IFT140: variants seen among roughly 807,000 people sequenced by gnomAD.
IFT140 encodes the protein intraflagellar transport protein 140 homolog.
In IFT140, 133 loss-of-function variants were observed where a neutral mutation model predicts 164.6. The observed-to-expected ratio is 0.81, with a 90% CI of 0.70 to 0.93. IFT140 has a LOEUF of 0.93. Among genes scored for constraint, IFT140 ranks in the 40% least tolerant of loss-of-function variants. IFT140 has a pLI of 0.00. For synonymous variants in IFT140, 860 were observed against 817.3 expected (o/e 1.05, Z -0.89); for missense variants, 2,045 against 1,972.3 (o/e 1.04, Z -0.70).
In IFT140 at chr16:1,553,729, A is replaced by T; in HGVS notation, c.2399+4206T>A. ...GGCCTCCAGGACAATCTGTGGCCACATCCCCATGGCTGTAGGGGATGAGGA... is the reference window on the plus strand; with the variant it reads ...GGCCTCCAGGACAATCTGTGGCCACTTCCCCATGGCTGTAGGGGATGAGGA... On this transcript the variant is annotated intron_variant, in intron 19 of 30. Transcript: ENST00000426508. This position sits in a 1 kb window ranked among gnomAD's most constrained non-coding sequence, Gnocchi z 4.4. The T allele has an allele frequency of 8.9e-7, 1 of 1,125,306 alleles. No individual in the cohort carries two copies. The highest frequency in any genetic ancestry group is 1.1e-6 in the Non-Finnish European group (1 of 906,730). 69.7% of individuals were successfully genotyped at this position (1,125,306 alleles called of 1,614,324 possible). A position where few individuals can be genotyped will look rare whatever the true frequency, so the allele number is the denominator to read the frequency against.
intron 2 of IFT140, among the ~76,000 whole-genome samples, chr16:1,609,772 AAGG>A (rs1470785602): frequency 2.0e-5 from 3 of 152,342 alleles, no homozygotes; most frequent in African/African-American, 7.2e-5. Flanking sequence ...AAGTTAACAC[AAGG>A]AGGAGAGATG....
intron 19 of IFT140, among the ~76,000 whole-genome samples, chr16:1,535,793 C>T (rs886789243): frequency 2.0e-5 from 3 of 152,250 alleles, no homozygotes; most frequent in Admixed American, 6.5e-5. Flanking sequence ...CACTTCCTCT[C>T]GCATCCTTCA....
chr16:1,529,890 C>T (rs79165857), intron 19 of IFT140, among the ~76,000 whole-genome samples: 2,113 of 152,224 alleles, frequency 0.014, 66 homozygotes, highest in African/African-American at 0.049. Flanking sequence ...GAGTGCAGTG[C>T]AGGGGTCACA....
At chr16:1,534,376 C>T (rs199525863) in intron 19 of IFT140, 104 of 1,612,848 alleles carry the variant, frequency 6.4e-5, no homozygotes, top group African/African-American at 9.3e-5. Flanking sequence ...GTGTGCCAGA[C>T]GCTGGAGGAT....
rs2032627693 is a variant in IFT140 at position 1,551,436 on chromosome 16, A to G, written c.2399+6499T>C. Among the ~76,000 whole-genome samples, 1 of 152,120 alleles carries G rather than the reference A, an allele frequency of 6.6e-6. No individual in the cohort carries two copies. Among genetic ancestry groups the G allele is most frequent in the African/African-American group, 2.4e-5 (1 of 41,414 alleles). The stretch of plus-strand genomic sequence containing the variant: ...GTGACTGAGAGGGGTGGAAAGGGCC[A>G]CTGGGCCCCAGGGTGGCAGAAGGGC... On this transcript the variant is annotated intron_variant, in intron 19 of 30. Transcript: ENST00000426508. The surrounding 1 kb of genome is among the most constrained non-coding windows in gnomAD (Gnocchi z 4.0).
chr16:1,527,033 GAC>G (rs1001280274), intron 19 of IFT140: 1 of 530,870 alleles, frequency 1.9e-6, no homozygotes. Context: ...CCCATTAAAA[GAC>G]AGAAGGATCT....
Position 1,580,981 on chromosome 16 carries a change from T to G in IFT140, c.1433-131A>C. On this transcript the variant is annotated intron_variant, in intron 12 of 30. Transcript: ENST00000426508. The stretch of plus-strand genomic sequence containing the variant: ...CACAGCTTCATAGGGGTGCACTATC[T>G]GCACCTCGCAGATGAAGAAAATGAG... 3 of 634,286 alleles carry G rather than the reference T, an allele frequency of 4.7e-6. No homozygotes were observed. The South Asian group carries it at 5.2e-5, about 11-fold the overall frequency. 39.3% of individuals were successfully genotyped at this position (634,286 alleles called of 1,614,324 possible).
intron 13 of IFT140, among the ~76,000 whole-genome samples, chr16:1,573,122 C>G (rs781745968): frequency 2.0e-5 from 3 of 152,182 alleles, no homozygotes; most frequent in Non-Finnish European, 4.4e-5. Context: ...GGACGGATGG[C>G]TGGAGTCAGG....
intron 3 of IFT140, among the ~76,000 whole-genome samples, chr16:1,603,075 C>A (rs1231574083): frequency 2.0e-5 from 3 of 152,198 alleles, no homozygotes; most frequent in African/African-American, 7.2e-5. Flanking sequence ...AACGCACCAA[C>A]CTTGCCCCTA....
intron 4 of IFT140, among the ~76,000 whole-genome samples, chr16:1,600,723 C>A (rs1025747930): frequency 7.2e-5 from 11 of 152,078 alleles, no homozygotes; most frequent in African/African-American, 2.7e-4. Flanking sequence ...TAGGATGCCA[C>A]CACTGATGTG....
intron 14 of IFT140, among the ~76,000 whole-genome samples, chr16:1,569,161 C>T (rs1240906248): frequency 2.0e-5 from 3 of 152,038 alleles, no homozygotes; most frequent in South Asian, 2.1e-4. Context: ...CCCGCCACCG[C>T]GCCCGGCTAA....
chr16:1,603,486 C>CT (rs537190496), intron 3 of IFT140, among the ~76,000 whole-genome samples: 102 of 147,868 alleles, frequency 6.9e-4, no homozygotes, highest in African/African-American at 1.1e-3. Context: ...TGCGTTTCCT[C>CT]TTTTTTTTTT....
rs1011925070 is a variant in IFT140, at chr16:1,553,270, CTCTG to C, written c.2399+4661_2399+4664del. 1.0e-6 allele frequency: 1 copy of C among 979,698 alleles called. No individual in the cohort carries two copies. The highest frequency in any genetic ancestry group is 1.2e-6 in the Non-Finnish European group (1 of 824,950). 60.7% of individuals were successfully genotyped at this position (979,698 alleles called of 1,614,324 possible). On this transcript the variant is annotated intron_variant, in intron 19 of 30. Transcript: ENST00000426508. This position sits in a 1 kb window ranked among gnomAD's most constrained non-coding sequence, Gnocchi z 4.4. ...TCTGTCTCTCTGTATCTCTCTTGGTCTCTGTCTCTCTGTGTCTCTGCCTGTCTCT... is the reference window on the plus strand; with the variant it reads ...TCTGTCTCTCTGTATCTCTCTTGGTCTCTCTCTGTGTCTCTGCCTGTCTCT...
chr16:1,557,332 G>A lies in IFT140; in HGVS notation c.2399+603C>T, dbSNP rs1030114017. ...TGCTTCAGAAGGACGACAGCGGGCC[G>A]GGGTCCTGCACCCTCTCGGACACCT... On this transcript the variant is annotated intron_variant, in intron 19 of 30. Transcript: ENST00000426508. Among the ~76,000 whole-genome samples, 4 of 152,188 alleles carry A rather than the reference G, an allele frequency of 2.6e-5. No individual in the cohort carries two copies. The South Asian group carries it at 6.2e-4, about 24-fold the overall frequency.
rs1048867968 is a variant in IFT140, at chr16:1,510,691, G to A, written c.*253C>T. On this transcript the variant is annotated 3_prime_UTR_variant, in exon 31 of 31. Transcript: ENST00000426508. ...GAGAATACGATGGAAGGGTGAACCCGACTCCCTTCAAAGGAATGAATCCAA... is the reference window on the plus strand; with the variant it reads ...GAGAATACGATGGAAGGGTGAACCCAACTCCCTTCAAAGGAATGAATCCAA... The A allele has an allele frequency of 2.2e-5, 13 of 581,164 alleles. No homozygotes were observed. Among genetic ancestry groups the A allele is most frequent in the East Asian group, 5.9e-5 (2 of 34,178 alleles). 36.0% of individuals were successfully genotyped at this position (581,164 alleles called of 1,614,324 possible). A position where few individuals can be genotyped will look rare whatever the true frequency, so the allele number is the denominator to read the frequency against.
At position 1,589,604 on chromosome 16, in the gene IFT140, C is replaced by T. The variant is rs750950675; in HGVS notation, c.810+1G>A. 6.2e-6 allele frequency: 10 copies of T among 1,613,286 alleles called. No homozygotes were observed. Among genetic ancestry groups the T allele is most frequent in the Non-Finnish European group, 8.5e-6 (10 of 1,179,258 alleles). ...GAGCCCCCAAGCCCACTCCCACTCACCTTCATCACTTCTTCTGCTTTGCCC... is the reference window on the plus strand; with the variant it reads ...GAGCCCCCAAGCCCACTCCCACTCATCTTCATCACTTCTTCTGCTTTGCCC... On this transcript the variant is annotated splice_donor_variant, in intron 7 of 30. Coordinates refer to ENST00000426508, the MANE Select transcript of IFT140 (RefSeq NM_014714.4). LOFTEE classifies it high-confidence loss of function.
chr16:1,534,294 G>A (rs761624608), intron 19 of IFT140: 2 of 1,612,306 alleles, frequency 1.2e-6, no homozygotes, highest in Non-Finnish European at 1.7e-6. Context: ...GCAGAGACTC[G>A]TGGCCGCGGC....
At chr16:1,536,224 C>T (rs1392782103) in intron 19 of IFT140, among the ~76,000 whole-genome samples, 1 of 152,254 alleles carries the variant, frequency 6.6e-6, no homozygotes, top group African/African-American at 2.4e-5. Flanking sequence ...CTTGGCGCCC[C>T]TCCCTGTTGC....
Position 1,564,041 on chromosome 16 carries a change from G to A in IFT140, c.2023C>T (p.Gln675Ter). 1.9e-6 allele frequency: 3 copies of A among 1,598,692 alleles called. No individual in the cohort carries two copies. Among genetic ancestry groups the A allele is most frequent in the Non-Finnish European group, 2.6e-6 (3 of 1,167,944 alleles). The change falls in exon 17 of 31, where the codon CAG becomes TAG. Residue 675 changes from glutamine (Q) to a stop codon, truncating the protein, a stop_gained. Transcript: ENST00000426508. LOFTEE classifies it high-confidence loss of function. This position sits in a 1 kb window ranked among gnomAD's most constrained non-coding sequence, Gnocchi z 5.5. ...AVQETPRSQP[Q>*]SANGQPQDGR... ...TCTTGGGGCTGCCCGTTTGCAGACT[G>A]AGGCTGGGAGCGCGGCGTCTCCTGC...
Sources: allele counts gnomAD v4.1 joint callset (sites outside exome capture counted in the v4.1 genomes callset), GRCh38; gene constraint gnomAD v4.1.1; non-coding constraint Gnocchi (gnomAD v3.1); transcripts MANE v1.5; gene names NCBI Gene and HGNC (gene_info 2026-07-23, HGNC 2026-07-21).